GPD1L: variants seen among roughly 807,000 people sequenced by gnomAD.
GPD1L encodes glycerol-3-phosphate dehydrogenase 1 like.
Under a neutral mutation model 32.9 loss-of-function variants are expected in GPD1L, and 17 were observed. The observed-to-expected ratio is 0.52, with a 90% CI of 0.35 to 0.78. The LOEUF is 0.78. Ranked by LOEUF, GPD1L falls within the 30% of genes least tolerant of loss-of-function variation. The pLI is 0.01. For missense variants in GPD1L, 361 were observed against 447.8 expected (o/e 0.81, Z 1.75); for synonymous variants, 187 against 165.9 (o/e 1.13, Z -0.98).
intron 1 of GPD1L, among the ~76,000 whole-genome samples, chr3:32,121,714 CATATATTTCTATAT>C (rs1194782262): frequency 0.044 from 5,421 of 124,302 alleles, 316 homozygotes; most frequent in East Asian, 0.21. Context: ...TATATTTCTA[CATATATTTCTATAT>C]ATATATTTCT....
At chr3:32,123,839 T>TAGATAGACAGAC (rs58722314) in intron 1 of GPD1L, among the ~76,000 whole-genome samples, 666 of 134,550 alleles carry the variant, frequency 4.9e-3, no homozygotes, top group Non-Finnish European at 7.3e-3. Flanking sequence ...GATAGATAGA[T>TAGATAGACAGAC]AGACAGACAG....
At chr3:32,117,561 G>A (rs1464678576) in intron 1 of GPD1L, among the ~76,000 whole-genome samples, 1 of 152,194 alleles carries the variant, frequency 6.6e-6, no homozygotes, top group Non-Finnish European at 1.5e-5. Flanking sequence ...GCGGGCAGGG[G>A]TGTATAGTCT....
intron 4 of GPD1L, among the ~76,000 whole-genome samples, chr3:32,143,026 A>ATT (rs1459925154): frequency 2.6e-5 from 4 of 151,274 alleles, no homozygotes; most frequent in African/African-American, 4.9e-5. Context: ...AAAAAAAAAA[A>ATT]TTTTTTAATT....
chr3:32,131,198 G>A (rs571790346), intron 2 of GPD1L, among the ~76,000 whole-genome samples: 1 of 152,182 alleles, frequency 6.6e-6, no homozygotes, highest in East Asian at 1.9e-4. Flanking sequence ...TTAGATTCCA[G>A]CACCCCCATG....
At position 32,106,770 on chromosome 3, in the gene GPD1L, C is replaced by G; in HGVS notation, c.47+12C>G. ...GGCTCGGGGAACTGGTGAGCGGCGGCGGGCTGGAGGCCGGGGCTCCGCTTC... is the reference window on the plus strand; with the variant it reads ...GGCTCGGGGAACTGGTGAGCGGCGGGGGGCTGGAGGCCGGGGCTCCGCTTC... On this transcript the variant is annotated intron_variant, in intron 1 of 7. Coordinates refer to ENST00000282541, the MANE Select transcript of GPD1L (RefSeq NM_015141.4). This position sits in a 1 kb window ranked among gnomAD's most constrained non-coding sequence, Gnocchi z 4.0. The G allele has an allele frequency of 6.4e-7, 1 of 1,557,208 alleles. No homozygotes were observed. Among genetic ancestry groups the G allele is most frequent in the Non-Finnish European group, 8.7e-7 (1 of 1,152,320 alleles).
At chr3:32,113,754 A>G (rs1335503682) in intron 1 of GPD1L, among the ~76,000 whole-genome samples, 1 of 152,182 alleles carries the variant, frequency 6.6e-6, no homozygotes, top group Non-Finnish European at 1.5e-5. Context: ...GGGGTTTAAC[A>G]ATGTGGGCTG....
chr3:32,124,017 A>C (rs948296622), intron 1 of GPD1L, among the ~76,000 whole-genome samples: 1 of 151,968 alleles, frequency 6.6e-6, no homozygotes. Flanking sequence ...TAATATATCT[A>C]TGTACATTTT....
chr3:32,128,271 A>T lies in GPD1L; in HGVS notation c.225+18A>T. The stretch of plus-strand genomic sequence containing the variant: ...AAAATGTGGTAAGACTTTGGGGTGA[A>T]ATGTACATTGGTTCATTCTGCAAGT... On this transcript the variant is annotated intron_variant, in intron 2 of 7. Coordinates refer to ENST00000282541, the MANE Select transcript of GPD1L (RefSeq NM_015141.4). 6.2e-7 allele frequency: 1 copy of T among 1,604,490 alleles called. No individual in the cohort carries two copies. Among genetic ancestry groups the T allele is most frequent in the Middle Eastern group, 1.7e-4 (1 of 6,046 alleles).
Position 32,123,841 on chromosome 3 carries a change from G to GATAGATAGATAA in GPD1L, c.48-4234_48-4233insTAGATAGATAAA, listed in dbSNP as rs1559571599. 1.1e-4 allele frequency among the ~76,000 whole-genome samples: 11 copies of GATAGATAGATAA among 102,124 alleles called. No homozygotes were observed. The South Asian group carries it at 3.4e-3, about 32-fold the overall frequency. The allele number at this position is 102,124 out of a possible 152,430, so 67.0% of individuals were successfully genotyped here. On this transcript the variant is annotated intron_variant, in intron 1 of 7. Coordinates refer to ENST00000282541, the MANE Select transcript of GPD1L (RefSeq NM_015141.4). Reference sequence around the variant, plus strand: ...AGATAGATAGATAGATAGATAGATAGACAGACAGATAAGACCCATGCCTGA... The same window carrying GATAGATAGATAA: ...AGATAGATAGATAGATAGATAGATAGATAGATAGATAAACAGACAGATAAGACCCATGCCTGA...
intron 7 of GPD1L, among the ~76,000 whole-genome samples, chr3:32,160,029 A>G (rs973949299): frequency 2.6e-5 from 4 of 152,208 alleles, no homozygotes; most frequent in African/African-American, 9.6e-5. Context: ...ATTAAAAAGT[A>G]TGGTTATGTT....
intron 7 of GPD1L, among the ~76,000 whole-genome samples, chr3:32,164,428 A>C (rs961280423): frequency 5.3e-5 from 8 of 152,272 alleles, no homozygotes; most frequent in Non-Finnish European, 8.8e-5. Flanking sequence ...ACTTGGTCCC[A>C]GTCCTCAGGG....
At chr3:32,123,751 G>T (rs1467778989) in intron 1 of GPD1L, among the ~76,000 whole-genome samples, 1 of 151,794 alleles carries the variant, frequency 6.6e-6, no homozygotes, top group Admixed American at 6.6e-5. Context: ...AAAATAGGCA[G>T]GCAGGTAGAT....
chr3:32,121,509 ATATATTTCTCTC>A (rs1312871618), intron 1 of GPD1L, among the ~76,000 whole-genome samples: 4,294 of 97,812 alleles, frequency 0.044, 726 homozygotes, highest in African/African-American at 0.098. Context: ...TTCTCTCTAT[ATATATTTCTCTC>A]TATATATATT....
At chr3:32,145,581 G>C (rs538456732) in intron 4 of GPD1L, among the ~76,000 whole-genome samples, 7 of 151,368 alleles carry the variant, frequency 4.6e-5, no homozygotes, top group South Asian at 2.1e-4. Context: ...AGTGACTTGA[G>C]GGAGGGGCTG....
At chr3:32,151,280 T>A in intron 5 of GPD1L, 1 of 591,924 alleles carries the variant, frequency 1.7e-6, no homozygotes, top group East Asian at 3.3e-5. Flanking sequence ...CTTAATATGC[T>A]CCATACACCC....
chr3:32,161,176 C>T (rs1384065945), intron 7 of GPD1L, among the ~76,000 whole-genome samples: 1 of 152,186 alleles, frequency 6.6e-6, no homozygotes, highest in East Asian at 1.9e-4. Flanking sequence ...AGCACCCCTC[C>T]TCCTTTTACC....
At chr3:32,128,403 T>A in intron 2 of GPD1L, 150 bp downstream of exon 2, 1 of 719,976 alleles carries the variant, frequency 1.4e-6, no homozygotes, top group Non-Finnish European at 2.5e-6. Flanking sequence ...TCTTCCTGAC[T>A]CTGAAAATGG....
intron 5 of GPD1L, among the ~76,000 whole-genome samples, chr3:32,153,871 T>C (rs75441527): frequency 6.4e-4 from 98 of 152,176 alleles, no homozygotes; most frequent in African/African-American, 2.3e-3. Flanking sequence ...CTGGAAAGAG[T>C]ACACTCAAGA....
At chr3:32,114,776 G>T (rs1210955803) in intron 1 of GPD1L, among the ~76,000 whole-genome samples, 2 of 152,170 alleles carry the variant, frequency 1.3e-5, no homozygotes, top group African/African-American at 4.8e-5. Context: ...GATGTGTTCG[G>T]AGTTTCTTCC....
Sources: allele counts gnomAD v4.1 joint callset (sites outside exome capture counted in the v4.1 genomes callset), GRCh38; gene constraint gnomAD v4.1.1; non-coding constraint Gnocchi (gnomAD v3.1); transcripts MANE v1.5; gene names NCBI Gene and HGNC (gene_info 2026-07-23, HGNC 2026-07-21).